The following MTMR2 variants were observed in gnomAD, a reference collection of about 807,000 sequenced individuals.
MTMR2 encodes the protein phosphatidylinositol-3,5-bisphosphate 3-phosphatase MTMR2.
MTMR2 carries 55 observed loss-of-function variants against 86.9 expected under a neutral mutation model. The ratio of observed to expected loss-of-function variants is 0.63; its 90% confidence interval spans 0.51 to 0.79. MTMR2 has a LOEUF of 0.79. MTMR2 is among the 30% of genes least tolerant of loss of function. MTMR2 has a pLI of 0.00. For synonymous variants in MTMR2, 241 were observed against 266.8 expected (o/e 0.90, Z 0.94); for missense variants, 659 against 772.3 (o/e 0.85, Z 1.74).
intron 1 of MTMR2, among the ~76,000 whole-genome samples, chr11:95,902,608 CCT>C (rs1484109027): frequency 6.6e-6 from 1 of 152,150 alleles, no homozygotes; most frequent in African/African-American, 2.4e-5. Flanking sequence ...ACTCCCTATT[CCT>C]CTGTTTCTGA....
At chr11:95,907,485 TGAG>T (rs1866325556) in intron 1 of MTMR2, among the ~76,000 whole-genome samples, 1 of 150,894 alleles carries the variant, frequency 6.6e-6, no homozygotes, top group Non-Finnish European at 1.5e-5. Context: ...CCCAAAAAAA[TGAG>T]GAGGAAGGAC....
intron 3 of MTMR2, among the ~76,000 whole-genome samples, chr11:95,865,092 G>A (rs1290134346): frequency 1.3e-5 from 2 of 152,050 alleles, no homozygotes; most frequent in Non-Finnish European, 2.9e-5. Context: ...GCAGAGAAGG[G>A]CATCTACATA....
In MTMR2 at chr11:95,862,257, T is replaced by A; in HGVS notation, c.357+15A>T. 6.3e-7 allele frequency: 1 copy of A among 1,588,006 alleles called. No homozygotes were observed. On this transcript the variant is annotated intron_variant, in intron 4 of 14. Coordinates refer to ENST00000346299, the MANE Select transcript of MTMR2 (RefSeq NM_016156.6). ...ACACACTCATGTACATACAAAAATC[T>A]AATCTGACTCTTACCCGTTCCATGC...
At chr11:95,917,308 C>T (rs757082794) in intron 1 of MTMR2, among the ~76,000 whole-genome samples, 50 of 152,264 alleles carry the variant, frequency 3.3e-4, no homozygotes, top group African/African-American at 9.4e-4. Flanking sequence ...CTGAATCGCA[C>T]GCAATCTTTG....
chr11:95,898,843 A>G (rs1010472867), intron 1 of MTMR2, among the ~76,000 whole-genome samples: 3 of 152,160 alleles, frequency 2.0e-5, no homozygotes, highest in Admixed American at 1.3e-4. Flanking sequence ...AAGAGGTTCA[A>G]TACTCTCAAC....
At chr11:95,904,803 G>A (rs1187895918) in intron 1 of MTMR2, among the ~76,000 whole-genome samples, 4 of 152,094 alleles carry the variant, frequency 2.6e-5, no homozygotes, top group Non-Finnish European at 2.9e-5. Context: ...GACTCACCCC[G>A]AATTCTTTCT....
chr11:95,917,852 T>A (rs1461937698), intron 1 of MTMR2, among the ~76,000 whole-genome samples: 3 of 152,174 alleles, frequency 2.0e-5, no homozygotes, highest in Non-Finnish European at 4.4e-5. Context: ...AAAATCCACA[T>A]AAAAGTGGAT....
intron 2 of MTMR2, among the ~76,000 whole-genome samples, chr11:95,870,982 C>T (rs191117769): frequency 2.6e-5 from 4 of 151,844 alleles, no homozygotes; most frequent in African/African-American, 7.2e-5. Flanking sequence ...TGAGAACATG[C>T]GGTGTTTGGT....
At chr11:95,846,906 T>C (rs1863817211) in intron 10 of MTMR2, among the ~76,000 whole-genome samples, 2 of 152,098 alleles carry the variant, frequency 1.3e-5, no homozygotes. Context: ...CTTATTCAGT[T>C]TGGTTTTCTC....
intron 2 of MTMR2, among the ~76,000 whole-genome samples, chr11:95,877,288 G>T (rs906039286): frequency 1.5e-5 from 2 of 137,426 alleles, no homozygotes; most frequent in African/African-American, 5.6e-5. Context: ...GATCTTAGTG[G>T]TTACACATTT....
Position 95,835,456 on chromosome 11 carries a change from A to G in MTMR2, c.1771-5T>C. The G allele has an allele frequency of 6.3e-7, 1 of 1,595,506 alleles. No homozygotes were observed. Among genetic ancestry groups the G allele is most frequent in the Non-Finnish European group, 8.6e-7 (1 of 1,166,528 alleles). On this transcript the variant is annotated splice_region_variant and splice_polypyrimidine_tract_variant and intron_variant, in intron 14 of 14. Transcript: ENST00000346299. ...GTATCTGTTGTGAATAGGTTCCTGC[A>G]AGAGCAAAACATAAAATATTCAACT...
rs7107251 is a variant in MTMR2 at position 95,858,187 on chromosome 11, C to T, written c.570+344G>A. 0.14 allele frequency among the ~76,000 whole-genome samples: 21,577 copies of T among 152,070 alleles called. 2,081 individuals carry two copies. Among genetic ancestry groups the T allele is most frequent in the African/African-American group, 0.27 (11,004 of 41,486 alleles). On this transcript the variant is annotated intron_variant, in intron 6 of 14. Coordinates refer to ENST00000346299, the MANE Select transcript of MTMR2 (RefSeq NM_016156.6). ...ACTCAGGGTTTGCCTACCCTTACCT[C>T]CCTCCCAAATTGCTAGTGTTAACTG...
chr11:95,897,377 A>G (rs2135571367), intron 1 of MTMR2, among the ~76,000 whole-genome samples: 1 of 152,312 alleles, frequency 6.6e-6, no homozygotes, highest in Admixed American at 6.5e-5. Flanking sequence ...ATTTTTTAGT[A>G]TTTTAATTAT....
chr11:95,913,413 T>C (rs1277781651), intron 1 of MTMR2, among the ~76,000 whole-genome samples: 1 of 152,168 alleles, frequency 6.6e-6, no homozygotes, highest in Non-Finnish European at 1.5e-5. Flanking sequence ...TATTTCCACA[T>C]CTGAAAACTT....
At chr11:95,835,514 T>C in intron 14 of MTMR2, 63 bp from the exon 15 acceptor site, 3 of 1,533,626 alleles carry the variant, frequency 2.0e-6, no homozygotes, top group Middle Eastern at 2.3e-4. Context: ...GTCAAATCAT[T>C]CCCTAAATGT....
intron 3 of MTMR2, among the ~76,000 whole-genome samples, chr11:95,864,277 G>A (rs1864526580): frequency 1.3e-5 from 2 of 152,084 alleles, no homozygotes; most frequent in African/African-American, 4.8e-5. Context: ...TATACAGGAG[G>A]GAAAAGGGAA....
intron 2 of MTMR2, among the ~76,000 whole-genome samples, chr11:95,887,289 C>T (rs1865546829): frequency 6.6e-6 from 1 of 152,142 alleles, no homozygotes; most frequent in Non-Finnish European, 1.5e-5. Context: ...AAGATTCTGA[C>T]ATACTGTCCA....
chr11:95,866,525 A>C (rs1218724254), intron 2 of MTMR2: 1 of 151,980 alleles, frequency 6.6e-6, no homozygotes, highest in Admixed American at 6.6e-5. Context: ...ATAAATTTGC[A>C]ATCTAAACAA....
At position 95,836,244 on chromosome 11, in the gene MTMR2, G is replaced by A. The variant is rs1555056924; in HGVS notation, c.1674C>T (p.Ser558=). The A allele has an allele frequency of 1.2e-6, 2 of 1,612,988 alleles. No homozygotes were observed. Among genetic ancestry groups the A allele is most frequent in the Non-Finnish European group, 1.7e-6 (2 of 1,179,158 alleles). The change falls in exon 14 of 15, where the codon AGC becomes AGT. Residue 558 remains serine (S), a synonymous_variant. Transcript: ENST00000346299. Reference sequence around the variant, plus strand: ...CTGGATAAAGGACATGATTGGAATAGCTCCCATAGAGAGGATTAGTGAAGT... The same window carrying A: ...CTGGATAAAGGACATGATTGGAATAACTCCCATAGAGAGGATTAGTGAAGT... ...LEDFTNPLYG[S]YSNHVLYPVA...
Sources: allele counts gnomAD v4.1 joint callset (sites outside exome capture counted in the v4.1 genomes callset), GRCh38; gene constraint gnomAD v4.1.1; transcripts MANE v1.5; gene names NCBI Gene and HGNC (gene_info 2026-07-23, HGNC 2026-07-21).